Variants in ZDHHC14 observed in about 807,000 individuals in gnomAD.
ZDHHC14 encodes the protein zDHHC palmitoyltransferase 14.
Under a neutral mutation model 47.7 loss-of-function variants are expected in ZDHHC14, and 16 were observed. The observed-to-expected ratio is 0.34, with a 90% CI of 0.23 to 0.51. ZDHHC14 has a LOEUF of 0.51. Among genes scored for constraint, ZDHHC14 ranks in the 20% least tolerant of loss-of-function variants. ZDHHC14 has a pLI of 0.97. For missense variants in ZDHHC14, 515 were observed against 662.5 expected (o/e 0.78, Z 2.44); for synonymous variants, 293 against 278.9 (o/e 1.05, Z -0.50).
intron 2 of ZDHHC14, among the ~76,000 whole-genome samples, chr6:157,591,312 T>G (rs1419170570): frequency 6.6e-6 from 1 of 152,190 alleles, no homozygotes; most frequent in Non-Finnish European, 1.5e-5. Flanking sequence ...AATCTCATCT[T>G]GAGTTGTGGT....
chr6:157,519,755 G>A (rs946229193), intron 1 of ZDHHC14, among the ~76,000 whole-genome samples: 5 of 152,112 alleles, frequency 3.3e-5, no homozygotes, highest in African/African-American at 1.2e-4. Context: ...TTTTTTTGTT[G>A]TTTGTTTGTT....
intron 8 of ZDHHC14, among the ~76,000 whole-genome samples, chr6:157,656,135 G>A (rs1017202079): frequency 1.3e-5 from 2 of 152,154 alleles, no homozygotes; most frequent in African/African-American, 4.8e-5. Flanking sequence ...CCTGCACCAA[G>A]ACTCTGGACA....
intron 2 of ZDHHC14, among the ~76,000 whole-genome samples, chr6:157,583,489 G>GT (rs75893523): frequency 0.049 from 7,160 of 147,620 alleles, 210 homozygotes; most frequent in Admixed American, 0.074. Context: ...TACCAAAGGT[G>GT]TTTTTTTTTT....
At chr6:157,461,884 C>T (rs922336772) in intron 1 of ZDHHC14, among the ~76,000 whole-genome samples, 3 of 152,156 alleles carry the variant, frequency 2.0e-5, no homozygotes, top group African/African-American at 7.2e-5. Context: ...CACCGTGCCC[C>T]CACTAGAGGC....
chr6:157,406,689 G>A (rs1777772878), intron 1 of ZDHHC14, among the ~76,000 whole-genome samples: 1 of 152,198 alleles, frequency 6.6e-6, no homozygotes, highest in South Asian at 2.1e-4. Flanking sequence ...CCCTCTGCTG[G>A]AAAAATTTCA....
At chr6:157,529,775 G>A (rs1393999163) in intron 1 of ZDHHC14, among the ~76,000 whole-genome samples, 6 of 152,168 alleles carry the variant, frequency 3.9e-5, no homozygotes, top group African/African-American at 1.4e-4. Context: ...AATGTGTAGA[G>A]TGCAAAACAG....
intron 7 of ZDHHC14, among the ~76,000 whole-genome samples, chr6:157,652,961 C>A (rs1429011705): frequency 6.6e-6 from 1 of 152,100 alleles, no homozygotes; most frequent in African/African-American, 2.4e-5. Flanking sequence ...GCTTTTGAAC[C>A]TGGCCTTGAA....
chr6:157,636,643 C>T (rs1776998503), intron 5 of ZDHHC14, among the ~76,000 whole-genome samples: 1 of 152,160 alleles, frequency 6.6e-6, no homozygotes, highest in African/African-American at 2.4e-5. Context: ...GAAAAAGACC[C>T]TAACAAAACC....
Position 157,427,640 on chromosome 6 carries a change from G to A in ZDHHC14, c.245+45374G>A, listed in dbSNP as rs934250735. ...ATATGAGAGGAGAACAGAGGGGCCCGCAGGCAGAGGAACGTGAGTATTGAG... is the reference window on the plus strand; with the variant it reads ...ATATGAGAGGAGAACAGAGGGGCCCACAGGCAGAGGAACGTGAGTATTGAG... On this transcript the variant is annotated intron_variant, in intron 1 of 8. Transcript: ENST00000359775. This position sits in a 1 kb window ranked among gnomAD's most constrained non-coding sequence, Gnocchi z 4.4. 1.3e-5 allele frequency among the ~76,000 whole-genome samples: 2 copies of A among 152,112 alleles called. No individual in the cohort carries two copies. Among genetic ancestry groups the A allele is most frequent in the South Asian group, 2.1e-4 (1 of 4,820 alleles).
intron 1 of ZDHHC14, among the ~76,000 whole-genome samples, chr6:157,448,018 C>T (rs1042212169): frequency 2.0e-5 from 3 of 151,860 alleles, no homozygotes; most frequent in Admixed American, 6.6e-5. Flanking sequence ...ACTACAGGCC[C>T]GCACCACCAC....
intron 5 of ZDHHC14, among the ~76,000 whole-genome samples, chr6:157,644,193 G>A (rs747719): frequency 0.22 from 33,416 of 152,126 alleles, 4,613 homozygotes; most frequent in East Asian, 0.57. Flanking sequence ...CCAGTGCATG[G>A]CCTGAATCCC....
chr6:157,524,386 G>A (rs574943960), intron 1 of ZDHHC14, among the ~76,000 whole-genome samples: 1 of 151,938 alleles, frequency 6.6e-6, no homozygotes, highest in African/African-American at 2.4e-5. Context: ...TGCCTGCCTC[G>A]GCCTCCCAAA....
At chr6:157,544,390 G>A (rs1046948772) in intron 2 of ZDHHC14, among the ~76,000 whole-genome samples, 2 of 152,216 alleles carry the variant, frequency 1.3e-5, no homozygotes, top group Non-Finnish European at 2.9e-5. Flanking sequence ...GCTCATGCCT[G>A]TAATCCCAGC....
intron 1 of ZDHHC14, among the ~76,000 whole-genome samples, chr6:157,436,787 T>C (rs967618114): frequency 6.6e-6 from 1 of 152,078 alleles, no homozygotes; most frequent in Non-Finnish European, 1.5e-5. Flanking sequence ...GAGTTCAGTT[T>C]GGGTCATGTT....
intron 7 of ZDHHC14, among the ~76,000 whole-genome samples, chr6:157,649,864 C>T (rs1363004781): frequency 6.6e-6 from 1 of 152,266 alleles, no homozygotes; most frequent in Non-Finnish European, 1.5e-5. Flanking sequence ...GTCAGTGTCA[C>T]ACCAGACTTG....
At chr6:157,514,393 G>A (rs1583734327) in intron 1 of ZDHHC14, among the ~76,000 whole-genome samples, 7 of 152,240 alleles carry the variant, frequency 4.6e-5, no homozygotes, top group African/African-American at 2.4e-5. Context: ...ACAGTCGGCT[G>A]TGCAAAGAGC....
chr6:157,545,286 C>G (rs575800111), intron 2 of ZDHHC14, among the ~76,000 whole-genome samples: 1 of 152,158 alleles, frequency 6.6e-6, no homozygotes, highest in South Asian at 2.1e-4. Context: ...GTGATGGTTG[C>G]ACAATGCAAT....
At position 157,544,520 on chromosome 6, in the gene ZDHHC14, G is replaced by A. The variant is rs185794312; in HGVS notation, c.406+1775G>A. Among the ~76,000 whole-genome samples the A allele has an allele frequency of 1.8e-3, 280 of 152,176 alleles. 3 individuals are homozygous for A. Among genetic ancestry groups the A allele is most frequent in the African/African-American group, 6.0e-3 (250 of 41,526 alleles). On this transcript the variant is annotated intron_variant, in intron 2 of 8. Coordinates refer to ENST00000359775, the MANE Select transcript of ZDHHC14 (RefSeq NM_024630.3). Reference sequence around the variant, plus strand: ...AAAAATTGGCAGGGTGTGGTGGTGCGAGCCTGTAGTCCTAGCTACTGGGGA... The same window carrying A: ...AAAAATTGGCAGGGTGTGGTGGTGCAAGCCTGTAGTCCTAGCTACTGGGGA...
intron 2 of ZDHHC14, among the ~76,000 whole-genome samples, chr6:157,561,638 C>A (rs1257336445): frequency 1.3e-5 from 2 of 152,180 alleles, no homozygotes; most frequent in Admixed American, 1.3e-4. Context: ...TGCTCTCACC[C>A]AGACCTCTTG....
Sources: allele counts gnomAD v4.1 joint callset (sites outside exome capture counted in the v4.1 genomes callset), GRCh38; gene constraint gnomAD v4.1.1; non-coding constraint Gnocchi (gnomAD v3.1); transcripts MANE v1.5; gene names NCBI Gene and HGNC (gene_info 2026-07-23, HGNC 2026-07-21).